EIPR1: variants seen among roughly 807,000 people sequenced by gnomAD.
EIPR1 encodes the protein EARP and GARP complex-interacting protein 1.
Under a neutral mutation model 48.1 loss-of-function variants are expected in EIPR1, and 25 were observed. That is an observed-to-expected ratio of 0.52 (90% CI 0.38 to 0.73). The LOEUF (loss-of-function observed/expected upper bound fraction) is 0.73, where lower values mean the gene tolerates loss of function less well. Ranked by LOEUF, EIPR1 falls within the 30% of genes least tolerant of loss-of-function variation. The pLI, the probability that EIPR1 is intolerant of heterozygous loss-of-function variation, is 0.00. For synonymous variants in EIPR1, 204 were observed against 201.9 expected (o/e 1.01, Z -0.09); for missense variants, 415 against 506.2 (o/e 0.82, Z 1.73).
intron 4 of EIPR1, among the ~76,000 whole-genome samples, chr2:3,230,835 T>C (rs1312365428): frequency 6.6e-6 from 1 of 152,232 alleles, no homozygotes; most frequent in Non-Finnish European, 1.5e-5. Context: ...TCAAGGTATT[T>C]TGGGGTTCCA....
At chr2:3,353,501 C>T (rs891082342) in intron 2 of EIPR1, among the ~76,000 whole-genome samples, 1 of 152,190 alleles carries the variant, frequency 6.6e-6, no homozygotes, top group African/African-American at 2.4e-5. Flanking sequence ...TAACCAGATT[C>T]AACCTGAGGG....
At chr2:3,255,213 GTC>G (rs1260935608) in intron 4 of EIPR1, among the ~76,000 whole-genome samples, 1 of 148,198 alleles carries the variant, frequency 6.7e-6, no homozygotes, top group African/African-American at 2.5e-5. Flanking sequence ...TTTAGACGGA[GTC>G]TCTCTCACCC....
rs1381129482 is a variant in EIPR1 at position 3,214,171 on chromosome 2, T to C, written c.494A>G (p.Gln165Arg). ...ADNHILLWDL[Q>R]ESSSQAVLAS... ...TACCACAGCCTGGCTCGAGCTTTCC[T>C]GTAAATCCCACAGCAGGATATGGTT... The change falls in exon 5 of 9, where the codon CAG becomes CGG. Residue 165 changes from glutamine to arginine, a missense_variant. Coordinates refer to ENST00000382125, the MANE Select transcript of EIPR1 (RefSeq NM_003310.5). 3.1e-6 allele frequency: 5 copies of C among 1,613,812 alleles called. No homozygotes were observed. The East Asian group carries it at 1.1e-4, about 36-fold the overall frequency.
At chr2:3,278,949 G>A (rs1667939920) in intron 3 of EIPR1, among the ~76,000 whole-genome samples, 1 of 152,202 alleles carries the variant, frequency 6.6e-6, no homozygotes. Flanking sequence ...GTTGATACGT[G>A]AGTTCACCTG....
chr2:3,227,556 GA>G (rs1666103834), intron 4 of EIPR1, among the ~76,000 whole-genome samples: 2 of 152,342 alleles, frequency 1.3e-5, no homozygotes, highest in Non-Finnish European at 2.9e-5. Flanking sequence ...TTTCTGGGGA[GA>G]AATTCAAGCC....
At chr2:3,374,020 C>G (rs919222447) in intron 1 of EIPR1, among the ~76,000 whole-genome samples, 2 of 142,374 alleles carry the variant, frequency 1.4e-5, no homozygotes, top group African/African-American at 5.0e-5. Context: ...GTTACTGGTA[C>G]CAAAACAGAG....
chr2:3,315,057 C>A (rs1339354461), intron 3 of EIPR1, among the ~76,000 whole-genome samples: 2 of 136,792 alleles, frequency 1.5e-5, no homozygotes, highest in Admixed American at 1.5e-4. Flanking sequence ...CCGCCCCCAA[C>A]ACCTGTACCC....
chr2:3,327,157 G>A (rs4854175), intron 3 of EIPR1, among the ~76,000 whole-genome samples: 24,409 of 152,206 alleles, frequency 0.16, 2,326 homozygotes, highest in Non-Finnish European at 0.21. Flanking sequence ...TTCAGGAGGC[G>A]GTGGATATGC....
intron 4 of EIPR1, among the ~76,000 whole-genome samples, chr2:3,236,731 A>G (rs1666416232): frequency 1.3e-5 from 2 of 152,186 alleles, no homozygotes; most frequent in African/African-American, 4.8e-5. Flanking sequence ...GGTGACTCCT[A>G]CGCTCTTCCT....
At chr2:3,311,379 A>T (rs985641891) in intron 3 of EIPR1, among the ~76,000 whole-genome samples, 2 of 152,176 alleles carry the variant, frequency 1.3e-5, no homozygotes, top group African/African-American at 2.4e-5. Context: ...ATTAAAAAAA[A>T]ATATTTTTAG....
chr2:3,237,864 G>T (rs1666463983), intron 4 of EIPR1, among the ~76,000 whole-genome samples: 1 of 152,220 alleles, frequency 6.6e-6, no homozygotes, highest in Non-Finnish European at 1.5e-5. Context: ...CACGGCTGCT[G>T]TTCAATAAGC....
At chr2:3,210,870 G>A (rs1445940769) in intron 5 of EIPR1, among the ~76,000 whole-genome samples, 1 of 152,010 alleles carries the variant, frequency 6.6e-6, no homozygotes, top group Admixed American at 6.6e-5. Flanking sequence ...AACTCCTGAT[G>A]TAAGGTGATC....
intron 1 of EIPR1, among the ~76,000 whole-genome samples, chr2:3,370,756 A>C (rs1368543819): frequency 1.3e-5 from 2 of 152,182 alleles, no homozygotes; most frequent in East Asian, 1.9e-4. Context: ...CCAAATCTGC[A>C]CCTGATTGGT....
intron 3 of EIPR1, among the ~76,000 whole-genome samples, chr2:3,283,962 A>AGAAAG (rs1396892638): frequency 7.0e-6 from 1 of 142,560 alleles, no homozygotes; most frequent in African/African-American, 2.6e-5. Flanking sequence ...AAAAAAAAAA[A>AGAAAG]AAAGAAAGAA....
At chr2:3,375,380 T>C (rs1008808277) in intron 1 of EIPR1, among the ~76,000 whole-genome samples, 64 of 142,710 alleles carry the variant, frequency 4.5e-4, no homozygotes, top group African/African-American at 1.5e-3. Flanking sequence ...TAAAATATAA[T>C]AATAATTTAA....
intron 3 of EIPR1, among the ~76,000 whole-genome samples, chr2:3,258,986 G>A (rs914750940): frequency 5.3e-5 from 8 of 151,830 alleles, no homozygotes; most frequent in Admixed American, 1.3e-4. Context: ...CAGAGCCCAC[G>A]AGATTGGCAA....
intron 4 of EIPR1, among the ~76,000 whole-genome samples, chr2:3,226,898 T>C (rs998801424): frequency 2.0e-5 from 3 of 152,258 alleles, no homozygotes; most frequent in African/African-American, 7.2e-5. Flanking sequence ...CCTGCTGCCA[T>C]GTAAGACATG....
At chr2:3,196,119 G>A (rs750880348) in intron 6 of EIPR1, among the ~76,000 whole-genome samples, 3 of 152,178 alleles carry the variant, frequency 2.0e-5, no homozygotes, top group African/African-American at 4.8e-5. Flanking sequence ...CTGCACGGAC[G>A]TGCACAAAGG....
chr2:3,270,174 A>C (rs1380429985), intron 3 of EIPR1, among the ~76,000 whole-genome samples: 1 of 152,244 alleles, frequency 6.6e-6, no homozygotes, highest in African/African-American at 2.4e-5. Context: ...AGCACAAAGC[A>C]GGGGTGAAAC....
Sources: gnomAD v4.1 joint callset for allele counts (sites outside exome capture counted in the v4.1 genomes callset) on GRCh38, gnomAD v4.1.1 for gene constraint, MANE v1.5 for transcripts, NCBI Gene and HGNC (gene_info 2026-07-23, HGNC 2026-07-21) for gene names.